Variants in MCM3AP observed in about 807,000 individuals in gnomAD.
MCM3AP encodes the protein germinal-center associated nuclear protein.
MCM3AP carries 126 observed loss-of-function variants against 184.1 expected under a neutral mutation model. That is an observed-to-expected ratio of 0.68 (90% CI 0.59 to 0.79). The LOEUF is 0.79. Among genes scored for constraint, MCM3AP ranks in the 30% least tolerant of loss-of-function variants. MCM3AP has a pLI of 0.00. For synonymous variants in MCM3AP, 1,002 were observed against 979.3 expected (o/e 1.02, Z -0.43); for missense variants, 2,496 against 2,479.2 (o/e 1.01, Z -0.14).
chr21:46,263,074 A>T (rs887833183), intron 13 of MCM3AP, among the ~76,000 whole-genome samples: 22 of 151,854 alleles, frequency 1.4e-4, no homozygotes, highest in Admixed American at 1.3e-3. Context: ...TCACACCTGT[A>T]ATCCCAGCAG....
At chr21:46,239,848 G>GA (rs2080621748) in intron 26 of MCM3AP, among the ~76,000 whole-genome samples, 1 of 152,040 alleles carries the variant, frequency 6.6e-6, no homozygotes, top group Non-Finnish European at 1.5e-5. Context: ...GCAGGAGGGG[G>GA]ACCACGGACA....
At chr21:46,260,993 G>T in intron 14 of MCM3AP, 87 bp from the exon 15 acceptor site, 1 of 1,099,996 alleles carries the variant, frequency 9.1e-7, no homozygotes, top group Non-Finnish European at 1.4e-6. Context: ...ACGCAGACAG[G>T]GATTGAGGTG....
chr21:46,253,764 TAGTG>T, intron 19 of MCM3AP: 1 of 153,244 alleles, frequency 6.5e-6, no homozygotes, highest in East Asian at 1.9e-4. Context: ...GTTCTCATGA[TAGTG>T]AGCTCTCAGG....
rs573971542 is a variant in MCM3AP at position 46,251,725 on chromosome 21, G to C, written c.4137-43C>G. 4.4e-5 allele frequency: 54 copies of C among 1,235,300 alleles called. 1 individual carries two copies. In the South Asian group the frequency reaches 6.8e-4, roughly 16 times the overall value. 76.5% of individuals were successfully genotyped at this position (1,235,300 alleles called of 1,614,324 possible). A position where few individuals can be genotyped will look rare whatever the true frequency, so the allele number is the denominator to read the frequency against. ...ACAAAAAACAAAAAAAACACTTGAA[G>C]AATCTAATTCTATATTTGAATTATA... On this transcript the variant is annotated intron_variant, in intron 19 of 27. Coordinates refer to ENST00000291688, the MANE Select transcript of MCM3AP (RefSeq NM_003906.5).
chr21:46,237,452 C>T lies in MCM3AP; in HGVS notation c.5634-473G>A, dbSNP rs191256822. Among the ~76,000 whole-genome samples, 45 of 121,430 alleles carry T rather than the reference C, an allele frequency of 3.7e-4. 10 individuals carry two copies. The East Asian group carries it at 9.0e-3, about 24-fold the overall frequency. 79.7% of individuals were successfully genotyped at this position (121,430 alleles called of 152,430 possible). ...CAAGGTCTCGCTCTGTTGGCCAGGC[C>T]GGAGTGCAGTGTTACAATCTTGGCT... On this transcript the variant is annotated intron_variant, in intron 26 of 27. Transcript: ENST00000291688.
In MCM3AP at chr21:46,275,339, AGTAAAAG is replaced by A; in HGVS notation, c.1859-21_1859-15del. 1 of 1,609,606 alleles carries A rather than the reference AGTAAAAG, an allele frequency of 6.2e-7. No homozygotes were observed. Among genetic ancestry groups the A allele is most frequent in the Non-Finnish European group, 8.5e-7 (1 of 1,178,196 alleles). ...TCTTCACCCGAGCTAAATGACGTCA[AGTAAAAG>A]GTAAGAATGTACCACATGGTTAGCA... On this transcript the variant is annotated splice_polypyrimidine_tract_variant and intron_variant, in intron 5 of 27. Transcript: ENST00000291688.
At position 46,278,963 on chromosome 21, in the gene MCM3AP, C is replaced by T. The variant is rs572056534; in HGVS notation, c.1667+1030G>A. On this transcript the variant is annotated intron_variant, in intron 4 of 27. Coordinates refer to ENST00000291688, the MANE Select transcript of MCM3AP (RefSeq NM_003906.5). ...GCTGGGATTACAGGCGTGAGCACTG[C>T]GCCCGGCCAGGAGACAGCTCTTCAG... is the stretch of plus-strand genomic sequence containing the variant. Among the ~76,000 whole-genome samples the T allele has an allele frequency of 1.2e-3, 175 of 146,188 alleles. 2 individuals carry two copies. In the East Asian group the frequency reaches 0.028, roughly 23 times the overall value.
At chr21:46,243,433 G>A (rs758076826) in intron 24 of MCM3AP, 32 bp downstream of exon 24, 16 of 1,569,172 alleles carry the variant, frequency 1.0e-5, no homozygotes, top group Non-Finnish European at 1.2e-5. Context: ...GTCTCGTGAG[G>A]AGCTGATCCC....
chr21:46,281,917 G>C (rs754951604), intron 2 of MCM3AP, among the ~76,000 whole-genome samples: 1 of 152,094 alleles, frequency 6.6e-6, no homozygotes, highest in Non-Finnish European at 1.5e-5. Context: ...AGAATCGCTT[G>C]AACTGGAAAG....
intron 5 of MCM3AP, 40 bp from the exon 6 acceptor site, chr21:46,275,365 G>C (rs375137465): frequency 6.3e-7 from 1 of 1,576,404 alleles, no homozygotes; most frequent in Non-Finnish European, 8.6e-7. Context: ...GTACCACATG[G>C]TTAGCACGAA....
intron 15 of MCM3AP, among the ~76,000 whole-genome samples, chr21:46,259,700 CAGG>C (rs1005390709): frequency 2.4e-4 from 36 of 152,088 alleles, no homozygotes; most frequent in African/African-American, 8.7e-4. Context: ...ATCACGAGGT[CAGG>C]AGATCGAGAC....
intron 8 of MCM3AP, 35 bp downstream of exon 8, chr21:46,272,526 C>A: frequency 6.3e-7 from 1 of 1,591,602 alleles, no homozygotes; most frequent in Non-Finnish European, 8.6e-7. Flanking sequence ...GCCTTTTCAG[C>A]CACCTTAGGA....
chr21:46,236,827 A>T lies in MCM3AP; in HGVS notation c.5784+2T>A. 6.5e-7 allele frequency: 1 copy of T among 1,539,826 alleles called. No homozygotes were observed. Among genetic ancestry groups the T allele is most frequent in the Non-Finnish European group, 8.7e-7 (1 of 1,151,640 alleles). ...AATGCCAAATGTATACGTTCTTCTC[A>T]CCTGTGGGCTAGTAGTTACAGATGT... On this transcript the variant is annotated splice_donor_variant, in intron 27 of 27. Transcript: ENST00000291688. LOFTEE classifies it high-confidence loss of function.
chr21:46,281,751 A>G (rs758048768), intron 2 of MCM3AP, among the ~76,000 whole-genome samples: 8 of 152,154 alleles, frequency 5.3e-5, no homozygotes, highest in Non-Finnish European at 1.0e-4. Flanking sequence ...CTGTAATCCC[A>G]GCACTTTGGG....
chr21:46,266,304 G>A (rs772813446), intron 10 of MCM3AP, 138 bp from the exon 11 acceptor site: 31 of 928,436 alleles, frequency 3.3e-5, no homozygotes, highest in Non-Finnish European at 4.4e-5. Flanking sequence ...CAGGCGCCAG[G>A]TCCCACTGCC....
chr21:46,285,051 G>C lies in MCM3AP; in HGVS notation c.236C>G (p.Ser79Ter). ...AAGTCCAGAAAAGGGTCCAACACTT[G>C]AGGTTTGGGTGAACCCTAATGTTTG... ...SVQTLGFTQT[S>*]SVGPFSGLEH... The change falls in exon 1 of 28, where the codon TCA (serine) becomes TGA (stop). Residue 79 changes from serine (S) to a stop codon, truncating the protein, a stop_gained. Transcript: ENST00000291688. LOFTEE classifies it high-confidence loss of function. The C allele has an allele frequency of 6.2e-7, 1 of 1,614,192 alleles. No homozygotes were observed. The highest frequency in any genetic ancestry group is 1.7e-5 in the Admixed American group (1 of 60,028).
chr21:46,260,702 C>A, intron 15 of MCM3AP, 91 bp downstream of exon 15: 1 of 879,676 alleles, frequency 1.1e-6, no homozygotes. Flanking sequence ...GATCCATTTC[C>A]AATAGCCCAT....
At chr21:46,265,241 C>T in intron 12 of MCM3AP, 80 bp downstream of exon 12, 1 of 1,356,480 alleles carries the variant, frequency 7.4e-7, no homozygotes, top group Non-Finnish European at 1.0e-6. Flanking sequence ...GCCACAGCCC[C>T]ACCTCATGGG....
rs748290958 is a variant in MCM3AP, at chr21:46,256,905, C to G, written c.3816G>C (p.Val1272=). Residue 1272 remains valine (V), a synonymous_variant, in exon 17 of 28, where the codon GTG becomes GTC. Coordinates refer to ENST00000291688, the MANE Select transcript of MCM3AP (RefSeq NM_003906.5). Reference sequence around the variant, plus strand: ...GCGCCAGCGCCCTCAGCCGGTCGCTCACGTCCACGCAGCAGGGCGCAGCAG... The same window carrying G: ...GCGCCAGCGCCCTCAGCCGGTCGCTGACGTCCACGCAGCAGGGCGCAGCAG... The part of the protein sequence containing the change: ...AFPAAPCCVD[V]SDRLRALAPS... 2 of 1,609,554 alleles carry G rather than the reference C, an allele frequency of 1.2e-6. No homozygotes were observed. The highest frequency in any genetic ancestry group is 1.7e-5 in the Admixed American group (1 of 59,336).
Sources: gnomAD v4.1 joint callset for allele counts (sites outside exome capture counted in the v4.1 genomes callset) on GRCh38, gnomAD v4.1.1 for gene constraint, MANE v1.5 for transcripts, NCBI Gene and HGNC (gene_info 2026-07-23, HGNC 2026-07-21) for gene names.